Variants in PDE4D observed in about 807,000 individuals in gnomAD.
PDE4D encodes the protein phosphodiesterase 4D, also known as 3',5'-cyclic-AMP phosphodiesterase 4D.
In PDE4D, 24 loss-of-function variants were observed where a neutral mutation model predicts 87.4. That is an observed-to-expected ratio of 0.27 (90% confidence interval 0.20 to 0.39). PDE4D has a LOEUF of 0.39. Among genes scored for constraint, PDE4D ranks in the 10% least tolerant of loss-of-function variants. The pLI is 1.00. For missense variants in PDE4D, 714 were observed against 1,041.0 expected, an observed-to-expected ratio of 0.69 and a Z score of 4.32; for synonymous variants, 384 against 383.2, an observed-to-expected ratio of 1.00 and a Z score of -0.02.
intron 2 of PDE4D, among the ~76,000 whole-genome samples, chr5:60,125,636 T>C (rs1200466405): frequency 6.6e-6 from 1 of 152,080 alleles, no homozygotes; most frequent in Non-Finnish European, 1.5e-5. Flanking sequence ...GTGATTCAAT[T>C]AGATAGATAG....
chr5:59,177,927 G>T (rs1007892697), intron 5 of PDE4D, among the ~76,000 whole-genome samples: 2 of 152,160 alleles, frequency 1.3e-5, no homozygotes, highest in East Asian at 3.9e-4. Flanking sequence ...TCATCTTAAG[G>T]GTGCCTCACT....
At chr5:59,323,361 C>A (rs551181647) in intron 1 of PDE4D, among the ~76,000 whole-genome samples, 1 of 152,162 alleles carries the variant, frequency 6.6e-6, no homozygotes, top group African/African-American at 2.4e-5. Context: ...TTGTTCTATA[C>A]CACTTATTGG....
intron 2 of PDE4D, among the ~76,000 whole-genome samples, chr5:59,996,030 T>C (rs1048467967): frequency 1.2e-4 from 19 of 152,234 alleles, no homozygotes; most frequent in Non-Finnish European, 2.6e-4. Context: ...AAACACATAA[T>C]AGGGAATTTC....
At chr5:60,060,307 A>G (rs1396343692) in intron 2 of PDE4D, among the ~76,000 whole-genome samples, 2 of 152,054 alleles carry the variant, frequency 1.3e-5, no homozygotes, top group Non-Finnish European at 2.9e-5. Context: ...ATCCTCTTCC[A>G]TCTATTTAGA....
chr5:59,712,344 A>G (rs973422397), intron 1 of PDE4D, among the ~76,000 whole-genome samples: 5 of 148,876 alleles, frequency 3.4e-5, no homozygotes, highest in African/African-American at 1.2e-4. Flanking sequence ...TCCCTCTGCA[A>G]ATCAGATAAC....
At chr5:60,080,323 C>T (rs1326282582) in intron 2 of PDE4D, among the ~76,000 whole-genome samples, 3 of 152,166 alleles carry the variant, frequency 2.0e-5, no homozygotes, top group African/African-American at 7.2e-5. Flanking sequence ...ATGTTGTCTA[C>T]AAACAGAGAC....
chr5:59,554,424 C>T (rs1818583317), intron 1 of PDE4D, among the ~76,000 whole-genome samples: 1 of 152,076 alleles, frequency 6.6e-6, no homozygotes, highest in Admixed American at 6.5e-5. Context: ...GTGACCAGGC[C>T]AGAGTCCACA....
chr5:59,460,838 G>A (rs1231742446), intron 1 of PDE4D, among the ~76,000 whole-genome samples: 2 of 152,114 alleles, frequency 1.3e-5, no homozygotes, highest in East Asian at 3.9e-4. Flanking sequence ...CCCTAAAGAG[G>A]AGAGCAAGAG....
chr5:59,094,266 A>G (rs1424238089), intron 5 of PDE4D, among the ~76,000 whole-genome samples: 1 of 150,972 alleles, frequency 6.6e-6, no homozygotes, highest in Admixed American at 6.6e-5. Context: ...AGAGTGCTAA[A>G]TTATTTTTAA....
Position 60,460,583 on chromosome 5 carries a change from T to G in PDE4D, c.-90+27359A>C, listed in dbSNP as rs1337621072. The G allele has an allele frequency of 3.8e-6, 5 of 1,307,474 alleles. No homozygotes were observed. The African/African-American group carries it at 7.3e-5, about 19-fold the overall frequency. The allele number at this position is 1,307,474 out of a possible 1,614,324, so 81.0% of individuals were successfully genotyped here. Reference sequence around the variant, plus strand: ...TCTTCATTAAGTCTGTCTATTTCATTTTGTACTTCATCAATGCATTCAATT... The same window carrying G: ...TCTTCATTAAGTCTGTCTATTTCATGTTGTACTTCATCAATGCATTCAATT... On this transcript the variant is annotated intron_variant, in intron 1 of 16. Transcript: ENST00000502484.
intron 5 of PDE4D, among the ~76,000 whole-genome samples, chr5:59,084,878 A>G (rs1460395721): frequency 6.6e-6 from 1 of 152,210 alleles, no homozygotes; most frequent in Non-Finnish European, 1.5e-5. Context: ...AAAACAAAAT[A>G]CTATGTGATT....
intron 1 of PDE4D, among the ~76,000 whole-genome samples, chr5:59,694,081 G>A (rs1751389300): frequency 6.6e-6 from 1 of 152,130 alleles, no homozygotes; most frequent in African/African-American, 2.4e-5. Flanking sequence ...CATTTTTCCA[G>A]TACAAAGTCT....
chr5:59,712,198 A>T (rs1353804962), intron 1 of PDE4D, among the ~76,000 whole-genome samples: 1 of 151,758 alleles, frequency 6.6e-6, no homozygotes, highest in Non-Finnish European at 1.5e-5. Flanking sequence ...GCAGTCCATA[A>T]GTAAAGAATT....
At chr5:59,925,892 G>A (rs571998783) in intron 3 of PDE4D, among the ~76,000 whole-genome samples, 251 of 152,244 alleles carry the variant, frequency 1.6e-3, no homozygotes, top group African/African-American at 5.9e-3. Context: ...GCTAGAGAGA[G>A]AGGTAGACCC....
At chr5:60,098,548 G>A (rs568860509) in intron 2 of PDE4D, among the ~76,000 whole-genome samples, 2 of 151,864 alleles carry the variant, frequency 1.3e-5, no homozygotes, top group South Asian at 4.1e-4. Flanking sequence ...TATTGTAAAC[G>A]GACTGTCTTT....
chr5:59,273,828 T>C (rs974203198), intron 1 of PDE4D, among the ~76,000 whole-genome samples: 6 of 152,106 alleles, frequency 3.9e-5, no homozygotes, highest in South Asian at 2.1e-4. Flanking sequence ...TGGATAAAAA[T>C]AGACTATGAT....
chr5:59,029,904 T>C (rs1177684468), intron 6 of PDE4D, among the ~76,000 whole-genome samples: 1 of 151,970 alleles, frequency 6.6e-6, no homozygotes, highest in Non-Finnish European at 1.5e-5. Context: ...TCAATTGATT[T>C]TTGACAAAGG....
At chr5:60,293,799 C>T (rs73104774) in intron 1 of PDE4D, among the ~76,000 whole-genome samples, 26,809 of 152,044 alleles carry the variant, frequency 0.18, 3,537 homozygotes, top group African/African-American at 0.37. Flanking sequence ...CGGAGTAATA[C>T]TCCATTGTAT....
intron 2 of PDE4D, among the ~76,000 whole-genome samples, chr5:60,056,924 T>C (rs1290544693): frequency 1.3e-5 from 2 of 152,092 alleles, no homozygotes; most frequent in East Asian, 1.9e-4. Context: ...TCAGTGTTTA[T>C]GTAACCTAAA....
Sources: allele counts gnomAD v4.1 joint callset (sites outside exome capture counted in the v4.1 genomes callset), GRCh38; gene constraint gnomAD v4.1.1; transcripts MANE v1.5; gene names NCBI Gene and HGNC (gene_info 2026-07-23, HGNC 2026-07-21).